LMTK3: variants seen among roughly 807,000 people sequenced by gnomAD.
The protein encoded by LMTK3 is lemur tail kinase 3.
LMTK3 carries 27 observed loss-of-function variants against 116.7 expected under a neutral mutation model. The ratio of observed to expected loss-of-function variants is 0.23; its 90% CI spans 0.17 to 0.32. The LOEUF is 0.32. Ranked by LOEUF, LMTK3 falls within the 10% of genes least tolerant of loss-of-function variation. LMTK3 has a pLI of 1.00. For missense variants in LMTK3, 1,764 were observed against 2,068.5 expected (o/e 0.85, Z 2.86); for synonymous variants, 965 against 971.0 (o/e 0.99, Z 0.11).
Position 48,510,065 on chromosome 19 carries a change from C to G in LMTK3, c.319G>C (p.Glu107Gln). Residue 107 changes from glutamate to glutamine, a missense_variant, in exon 3 of 15, where the codon GAG (glutamate) becomes CAG (glutamine). Physicochemically the swap from Glu to Gln is conservative, Grantham distance 29. Transcript: ENST00000600059. The stretch of plus-strand genomic sequence containing the variant: ...GGGGCAGGCATTGGCAGGGAGACCT[C>G]AGCCAGCGGGAGAATGTAGACATCA... ...LPDVYILPLA[E>Q]VSLPMPAPQP... The G allele has an allele frequency of 6.2e-7, 1 of 1,613,934 alleles. No individual in the cohort carries two copies. The highest frequency in any genetic ancestry group is 8.5e-7 in the Non-Finnish European group (1 of 1,179,870).
At chr19:48,510,417 T>C in intron 2 of LMTK3, 42 bp downstream of exon 2, 1 of 1,572,316 alleles carries the variant, frequency 6.4e-7, no homozygotes, top group Non-Finnish European at 8.6e-7. Flanking sequence ...AAGGCCTTGC[T>C]GGAGTCTTCC....
At chr19:48,502,050 GCCCCT>G (rs1465613056) in intron 7 of LMTK3, among the ~76,000 whole-genome samples, 1 of 63,578 alleles carries the variant, frequency 1.6e-5, no homozygotes, top group African/African-American at 6.7e-5. Flanking sequence ...TTCTCTCCTG[GCCCCT>G]CCCCTCCCCT....
chr19:48,485,752 C>G lies in LMTK3; in HGVS notation c.*21G>C, dbSNP rs369656949. 14 of 1,608,610 alleles carry G rather than the reference C, an allele frequency of 8.7e-6. No individual in the cohort carries two copies. The Admixed American group carries it at 2.2e-4, about 25-fold the overall frequency. On this transcript the variant is annotated 3_prime_UTR_variant, in exon 15 of 15. Transcript: ENST00000600059. ...CTCAACCCCTCTTCTGAGGGTGCAG[C>G]GGGGTCGGGTCTTCGGGGAATCAAT...
At chr19:48,486,082 C>T (rs1264617280) in intron 14 of LMTK3, among the ~76,000 whole-genome samples, 3 of 86,054 alleles carry the variant, frequency 3.5e-5, no homozygotes, top group African/African-American at 5.3e-5. Context: ...TTTTTTGAGA[C>T]GGAGTCTCGC....
chr19:48,485,828 AG>A, intron 14 of LMTK3, 39 bp from the exon 15 acceptor site: 1 of 1,593,206 alleles, frequency 6.3e-7, no homozygotes, highest in African/African-American at 1.3e-5. Flanking sequence ...TGAAATTACT[AG>A]GGGGACAGCC....
chr19:48,490,979 TGA>T, intron 14 of LMTK3, 127 bp downstream of exon 14: 1 of 594,100 alleles, frequency 1.7e-6, no homozygotes, highest in Non-Finnish European at 2.5e-6. Context: ...GTCTGTTGAC[TGA>T]GAGGGGAGAG....
intron 14 of LMTK3, among the ~76,000 whole-genome samples, chr19:48,486,888 T>C (rs1972133565): frequency 6.6e-6 from 1 of 151,946 alleles, no homozygotes; most frequent in East Asian, 1.9e-4. Flanking sequence ...TGTTTTGAGA[T>C]GGAGTCTCAC....
chr19:48,491,631 T>C lies in LMTK3; in HGVS notation c.4093-92A>G. ...AAAAGCAACAAAACCGGCTAATATTTCTGGGGCTCTAGGAATCCCAATTTG... is the reference window on the plus strand; with the variant it reads ...AAAAGCAACAAAACCGGCTAATATTCCTGGGGCTCTAGGAATCCCAATTTG... On this transcript the variant is annotated intron_variant, in intron 12 of 14. Coordinates refer to ENST00000600059, the MANE Select transcript of LMTK3 (RefSeq NM_001388485.1). This position sits in a 1 kb window ranked among gnomAD's most constrained non-coding sequence, Gnocchi z 5.1. 1 of 1,141,162 alleles carries C rather than the reference T, an allele frequency of 8.8e-7. No homozygotes were observed. Among genetic ancestry groups the C allele is most frequent in the South Asian group, 3.6e-5 (1 of 27,870 alleles). 70.7% of individuals were successfully genotyped at this position (1,141,162 alleles called of 1,614,324 possible).
intron 12 of LMTK3, among the ~76,000 whole-genome samples, chr19:48,492,172 C>T (rs1972238421): frequency 1.3e-5 from 2 of 152,132 alleles, no homozygotes; most frequent in Non-Finnish European, 2.9e-5. Flanking sequence ...CTCCCTTTTT[C>T]TCTTCAACAC....
chr19:48,486,355 G>A (rs546785082), intron 14 of LMTK3, among the ~76,000 whole-genome samples: 137 of 151,196 alleles, frequency 9.1e-4, no homozygotes, highest in Non-Finnish European at 1.7e-3. Context: ...CACCGCGCCC[G>A]GCCTTTTGGA....
In LMTK3 at chr19:48,485,748, G is replaced by T; in HGVS notation, c.*25C>A. ...CATTCTCAACCCCTCTTCTGAGGGT[G>T]CAGCGGGGTCGGGTCTTCGGGGAAT... On this transcript the variant is annotated 3_prime_UTR_variant, in exon 15 of 15. Transcript: ENST00000600059. 1 of 1,608,764 alleles carries T rather than the reference G, an allele frequency of 6.2e-7. No individual in the cohort carries two copies. Among genetic ancestry groups the T allele is most frequent in the Non-Finnish European group, 8.5e-7 (1 of 1,177,572 alleles).
chr19:48,497,287 C>T lies in LMTK3; in HGVS notation c.3676+106G>A. ...CAGGTGGTGCAGGCTTCAGGACCTGCATTCATCACTGCCAGCCCGACCCGA... is the reference window on the plus strand; with the variant it reads ...CAGGTGGTGCAGGCTTCAGGACCTGTATTCATCACTGCCAGCCCGACCCGA... On this transcript the variant is annotated intron_variant, in intron 11 of 14. Transcript: ENST00000600059. This position sits in a 1 kb window ranked among gnomAD's most constrained non-coding sequence, Gnocchi z 5.7. 1 of 1,242,500 alleles carries T rather than the reference C, an allele frequency of 8.0e-7. No individual in the cohort carries two copies. The allele number at this position is 1,242,500 out of a possible 1,614,324, so 77.0% of individuals were successfully genotyped here. A position where few individuals can be genotyped will look rare whatever the true frequency, so the allele number is the denominator to read the frequency against.
intron 7 of LMTK3, 33 bp downstream of exon 7, chr19:48,502,400 G>A: frequency 1.2e-6 from 2 of 1,600,288 alleles, no homozygotes; most frequent in African/African-American, 2.7e-5. Flanking sequence ...CTTCCCCTTA[G>A]TAGCTCCTCC....
Position 48,500,882 on chromosome 19 carries a change from T to G in LMTK3, c.1151+114A>C. On this transcript the variant is annotated intron_variant, in intron 10 of 14. Coordinates refer to ENST00000600059, the MANE Select transcript of LMTK3 (RefSeq NM_001388485.1). This position sits in a 1 kb window ranked among gnomAD's most constrained non-coding sequence, Gnocchi z 4.0. Reference sequence around the variant, plus strand: ...GGTGGGGACAGCCCCTCTTCACTCTTGAGGGGTATGGAGGGCAAACGGGAT... The same window carrying G: ...GGTGGGGACAGCCCCTCTTCACTCTGGAGGGGTATGGAGGGCAAACGGGAT... The G allele has an allele frequency of 3.8e-6, 4 of 1,048,368 alleles. No individual in the cohort carries two copies. The highest frequency in any genetic ancestry group is 4.0e-6 in the Non-Finnish European group (3 of 748,156). The allele number at this position is 1,048,368 out of a possible 1,614,324, so 64.9% of individuals were successfully genotyped here.
intron 5 of LMTK3, among the ~76,000 whole-genome samples, chr19:48,507,743 C>T (rs1430471331): frequency 1.3e-5 from 2 of 152,074 alleles, no homozygotes; most frequent in African/African-American, 2.4e-5. Context: ...CCCAAAGTGC[C>T]GGGACTACAC....
chr19:48,501,387 G>A lies in LMTK3; in HGVS notation c.897C>T (p.Thr299=), dbSNP rs1038457451. 1 of 1,613,006 alleles carries A rather than the reference G, an allele frequency of 6.2e-7. No homozygotes were observed. The highest frequency in any genetic ancestry group is 8.5e-7 in the Non-Finnish European group (1 of 1,179,698). ...HSNYKEDYYL[T]PERLWIPLRW... is the part of the protein sequence containing the mutation. Reference sequence around the variant, plus strand: ...GCAGTGGGATCCACAGGCGCTCTGGGGTCAGGTAGTAGTCCTCCTGAGGGA... The same window carrying A: ...GCAGTGGGATCCACAGGCGCTCTGGAGTCAGGTAGTAGTCCTCCTGAGGGA... The change falls in exon 9 of 15, where the codon ACC becomes ACT. Residue 299 remains threonine, a synonymous_variant. Transcript: ENST00000600059.
Position 48,499,071 on chromosome 19 carries a change from G to C in LMTK3, c.1998C>G (p.Pro666=). 6.5e-7 allele frequency: 1 copy of C among 1,544,242 alleles called. No individual in the cohort carries two copies. Among genetic ancestry groups the C allele is most frequent in the Non-Finnish European group, 8.7e-7 (1 of 1,150,158 alleles). The change falls in exon 11 of 15, where the codon CCC becomes CCG. Residue 666 remains proline (P), a synonymous_variant. Transcript: ENST00000600059. ...CGCGGCTGCACAGGGGACAGGGTAG[G>C]GGACCCCGGCGGCTTGGGCCACCTC... ...SLGGGPSRRG[P]LPCPLCSREG...
At position 48,508,913 on chromosome 19, in the gene LMTK3, C is replaced by T; in HGVS notation, c.495G>A (p.Glu165=). 1.9e-6 allele frequency: 3 copies of T among 1,613,470 alleles called. No individual in the cohort carries two copies. The highest frequency in any genetic ancestry group is 2.5e-6 in the Non-Finnish European group (3 of 1,179,654). Residue 165 remains glutamate (E), a synonymous_variant, in exon 5 of 15, where the codon GAG becomes GAA. Coordinates refer to ENST00000600059, the MANE Select transcript of LMTK3 (RefSeq NM_001388485.1). ...CCAGGGGCCCCGCGCTGGCTCGGAG[C>T]TCCTTCACCACCACCTGGGCGGGGG... ...DYTPAQVVVK[E]LRASAGPLEQ...
At chr19:48,495,376 G>A (rs1301392932) in intron 11 of LMTK3, among the ~76,000 whole-genome samples, 3 of 152,108 alleles carry the variant, frequency 2.0e-5, no homozygotes, top group Admixed American at 2.0e-4. Context: ...TTAAAAATTA[G>A]GGAAGGCTTC....
Sources: gnomAD v4.1 joint callset for allele counts (sites outside exome capture counted in the v4.1 genomes callset) on GRCh38, gnomAD v4.1.1 for gene constraint, Gnocchi (gnomAD v3.1) non-coding constraint, MANE v1.5 for transcripts, NCBI Gene and HGNC (gene_info 2026-07-23, HGNC 2026-07-21) for gene names.